CAMTA1: variants seen among roughly 807,000 people sequenced by gnomAD.
The protein encoded by CAMTA1 is calmodulin binding transcription activator 1.
In CAMTA1, 27 loss-of-function variants were observed where a neutral mutation model predicts 170.9. That is an observed-to-expected ratio of 0.16 (90% CI 0.12 to 0.22). The LOEUF (loss-of-function observed/expected upper bound fraction) is 0.22. CAMTA1 is among the 10% of genes least tolerant of loss of function. The pLI is 1.00. For synonymous variants in CAMTA1, 833 were observed against 891.5 expected, an observed-to-expected ratio of 0.93 and a Z score of 1.17; for missense variants, 1,619 against 2,217.2, an observed-to-expected ratio of 0.73 and a Z score of 5.42.
At position 7,664,764 on chromosome 1, in the gene CAMTA1, C is replaced by CGTG; in HGVS notation, c.2221_2223dup (p.Val741dup). 6.2e-7 allele frequency: 1 copy of CGTG among 1,609,050 alleles called. No homozygotes were observed. The highest frequency in any genetic ancestry group is 1.3e-5 in the African/African-American group (1 of 74,978). ...GCGGCGTCCCCATCCTCCCGGGCAA[C>CGTG]GTGGTGCAGGGACTCTACCCCGTGG... is the stretch of plus-strand genomic sequence containing the variant. On this transcript the variant is annotated inframe_insertion, in exon 9 of 23. Coordinates refer to ENST00000303635, the MANE Select transcript of CAMTA1 (RefSeq NM_015215.4).
At chr1:7,647,316 T>G (rs2095815022) in intron 7 of CAMTA1, among the ~76,000 whole-genome samples, 1 of 152,200 alleles carries the variant, frequency 6.6e-6, no homozygotes, top group Non-Finnish European at 1.5e-5. Context: ...GTTTTTTGCT[T>G]AGATTGTAAT....
At chr1:7,476,390 C>T (rs868237706) in intron 6 of CAMTA1, among the ~76,000 whole-genome samples, 6 of 152,080 alleles carry the variant, frequency 3.9e-5, no homozygotes, top group African/African-American at 4.8e-5. Flanking sequence ...ACAGAATGGG[C>T]GGGGCGGTCA....
At chr1:6,891,077 A>G (rs1674405425) in intron 3 of CAMTA1, among the ~76,000 whole-genome samples, 1 of 152,222 alleles carries the variant, frequency 6.6e-6, no homozygotes, top group African/African-American at 2.4e-5. Flanking sequence ...GTCCTGACAC[A>G]TTGACCTATG....
chr1:7,759,004 A>T (rs1222831396), intron 22 of CAMTA1, among the ~76,000 whole-genome samples: 2 of 151,820 alleles, frequency 1.3e-5, no homozygotes, highest in African/African-American at 4.8e-5. Context: ...TATTTAAAAC[A>T]TGGTTTATAC....
Position 7,663,521 on chromosome 1 carries a change from A to G in CAMTA1, c.974A>G (p.Lys325Arg), listed in dbSNP as rs1474516392. ...CACAGCAAGGGCTCCAGCCGTGAGA[A>G]GAGGAACGGCAAGGTGGCCAAGCCC... is the stretch of plus-strand genomic sequence containing the variant. ...HSHSKGSSRE[K>R]RNGKVAKPVL... The change falls in exon 9 of 23, where the codon AAG (lysine) becomes AGG (arginine). Residue 325 changes from lysine to arginine, a missense_variant. Physicochemically the swap from Lys to Arg is conservative, Grantham distance 26 (BLOSUM62 2). Transcript: ENST00000303635. 1.2e-6 allele frequency: 2 copies of G among 1,603,350 alleles called. No individual in the cohort carries two copies. Among genetic ancestry groups the G allele is most frequent in the Non-Finnish European group, 8.5e-7 (1 of 1,171,504 alleles).
At chr1:6,849,721 A>T (rs1260998612) in intron 3 of CAMTA1, among the ~76,000 whole-genome samples, 2 of 152,058 alleles carry the variant, frequency 1.3e-5, no homozygotes, top group Admixed American at 1.3e-4. Context: ...CATTTGGGAC[A>T]ATTGGCTTAC....
At chr1:6,836,591 G>A (rs1653220702) in intron 3 of CAMTA1, among the ~76,000 whole-genome samples, 1 of 152,180 alleles carries the variant, frequency 6.6e-6, no homozygotes. Flanking sequence ...GTATGTGTGT[G>A]TATGTGTGTG....
At position 7,736,399 on chromosome 1, in the gene CAMTA1, T is replaced by C; in HGVS notation, c.3122T>C (p.Val1041Ala). Residue 1041 changes from valine to alanine, a missense_variant, in exon 13 of 23, where the codon GTA becomes GCA. Around this residue, in one of 8 missense-constraint regions of CAMTA1, gnomAD observed 143 missense variants for 184.2 expected, o/e 0.78. Coordinates refer to ENST00000303635, the MANE Select transcript of CAMTA1 (RefSeq NM_015215.4). This position sits in a 1 kb window ranked among gnomAD's most constrained non-coding sequence, Gnocchi z 4.5. Reference sequence around the variant, plus strand: ...TGCTTTGAGAGCCGTGTGGTCGTGGTATGCGAGAAGATGATGAGCCGAGCC... The same window carrying C: ...TGCTTTGAGAGCCGTGTGGTCGTGGCATGCGAGAAGATGATGAGCCGAGCC... ...GSCFESRVVVVCEKMMSRACW... is the reference protein window; with the variant it reads ...GSCFESRVVVACEKMMSRACW... 1 of 1,614,100 alleles carries C rather than the reference T, an allele frequency of 6.2e-7. No individual in the cohort carries two copies. The highest frequency in any genetic ancestry group is 1.1e-5 in the South Asian group (1 of 91,088).
At chr1:7,558,976 G>C (rs772820035) in intron 6 of CAMTA1, among the ~76,000 whole-genome samples, 1 of 152,174 alleles carries the variant, frequency 6.6e-6, no homozygotes, top group Non-Finnish European at 1.5e-5. Flanking sequence ...TCGGACCCCC[G>C]TCCCCCCTGC....
intron 3 of CAMTA1, among the ~76,000 whole-genome samples, chr1:7,060,947 C>T (rs893222184): frequency 2.0e-5 from 3 of 152,196 alleles, no homozygotes; most frequent in Admixed American, 6.5e-5. Flanking sequence ...GCCAAAAGAG[C>T]GGCCTCAGGA....
chr1:6,845,988 G>A (rs183454379), intron 3 of CAMTA1, among the ~76,000 whole-genome samples: 187 of 152,270 alleles, frequency 1.2e-3, no homozygotes, highest in African/African-American at 4.4e-3. Flanking sequence ...CATGGCAGAC[G>A]AGAGAATGTG....
At chr1:7,466,203 C>T (rs2093207462) in intron 5 of CAMTA1, among the ~76,000 whole-genome samples, 1 of 152,110 alleles carries the variant, frequency 6.6e-6, no homozygotes, top group Non-Finnish European at 1.5e-5. Flanking sequence ...TATCAAACCA[C>T]CAAAACAACG....
At chr1:7,558,332 G>A (rs952065802) in intron 6 of CAMTA1, among the ~76,000 whole-genome samples, 14 of 152,300 alleles carry the variant, frequency 9.2e-5, no homozygotes, top group South Asian at 2.1e-4. Flanking sequence ...GAAGAGGGGG[G>A]TCAAGGCCGC....
In CAMTA1 at chr1:7,635,958, C is replaced by T. The variant is rs145001355; in HGVS notation, c.511-4442C>T. On this transcript the variant is annotated intron_variant, in intron 6 of 22. Transcript: ENST00000303635. The surrounding 1 kb of genome is among the most constrained non-coding windows in gnomAD (Gnocchi z 4.4). ...GAAAACCAGCCCCACGCCAGGAAAT[C>T]GTTACTACTCAACTCTGGGCATTCC... 1.2e-4 allele frequency among the ~76,000 whole-genome samples: 18 copies of T among 152,344 alleles called. No homozygotes were observed. The highest frequency in any genetic ancestry group is 3.4e-4 in the African/African-American group (14 of 41,578).
chr1:7,734,593 TG>T (rs772169639), intron 12 of CAMTA1, among the ~76,000 whole-genome samples: 1 of 152,120 alleles, frequency 6.6e-6, no homozygotes, highest in Non-Finnish European at 1.5e-5. Flanking sequence ...CATGTGCTCA[TG>T]AATGTGTCTT....
intron 11 of CAMTA1, among the ~76,000 whole-genome samples, chr1:7,683,773 C>T (rs946136732): frequency 2.0e-5 from 3 of 152,240 alleles, no homozygotes; most frequent in African/African-American, 7.2e-5. Flanking sequence ...ACCCGTCTCT[C>T]GCTGTCTGTG....
Position 6,785,518 on chromosome 1 carries a change from G to C in CAMTA1, c.-13G>C. On this transcript the variant is annotated 5_prime_UTR_variant, in exon 1 of 23. Coordinates refer to ENST00000303635, the MANE Select transcript of CAMTA1 (RefSeq NM_015215.4). ...GGCGCGCGCTCGGGGTCCCGGTCGC[G>C]AGGAGGAGGAGGATGTGGCGCGCGG... 2.0e-6 allele frequency: 2 copies of C among 1,004,542 alleles called. No homozygotes were observed. The highest frequency in any genetic ancestry group is 1.2e-6 in the Non-Finnish European group (1 of 822,934). 62.2% of individuals were successfully genotyped at this position (1,004,542 alleles called of 1,614,324 possible). A position where few individuals can be genotyped will look rare whatever the true frequency, so the allele number is the denominator to read the frequency against.
intron 7 of CAMTA1, among the ~76,000 whole-genome samples, chr1:7,651,697 A>G (rs2095849459): frequency 6.6e-6 from 1 of 152,260 alleles, no homozygotes; most frequent in Admixed American, 6.5e-5. Flanking sequence ...GATAGGGCCC[A>G]GTGGCATACA....
intron 5 of CAMTA1, among the ~76,000 whole-genome samples, chr1:7,308,355 A>T (rs1378225673): frequency 6.6e-6 from 1 of 151,828 alleles, no homozygotes; most frequent in East Asian, 1.9e-4. Context: ...TTCCATTTGT[A>T]ATTCATTCTT....
Sources: gnomAD v4.1 joint callset for allele counts (sites outside exome capture counted in the v4.1 genomes callset) on GRCh38, gnomAD v4.1.1 for gene constraint, gnomAD v4.1.1 regional missense constraint, Gnocchi (gnomAD v3.1) non-coding constraint, MANE v1.5 for transcripts, NCBI Gene and HGNC (gene_info 2026-07-23, HGNC 2026-07-21) for gene names.